The following KIAA0586 variants were observed in gnomAD, a reference collection of about 807,000 sequenced individuals.
KIAA0586 encodes the protein protein TALPID3.
KIAA0586 carries 144 observed loss-of-function variants against 169.8 expected under a neutral mutation model. That is an observed-to-expected ratio of 0.85 (90% CI 0.74 to 0.97). The LOEUF (loss-of-function observed/expected upper bound fraction) is 0.97. Among genes scored for constraint, KIAA0586 ranks in the 50% least tolerant of loss-of-function variants. KIAA0586 has a pLI of 0.00. For missense variants in KIAA0586, 1,854 were observed against 1,823.0 expected (o/e 1.02, Z -0.31); for synonymous variants, 625 against 612.4 (o/e 1.02, Z -0.30).
At chr14:58,556,555 C>T in the KIAA0586 span, among the ~76,000 whole-genome samples, 44 of 152,218 alleles carry the variant, frequency 2.9e-4, no homozygotes, top group African/African-American at 9.9e-4. Context: ...CCCTTGTGCC[C>T]CTTTCCTAGT....
At chr14:58,546,284 A>G (rs977680063) in intron 30 of KIAA0586, among the ~76,000 whole-genome samples, 2 of 152,156 alleles carry the variant, frequency 1.3e-5, no homozygotes, top group South Asian at 2.1e-4. Context: ...GTGATACAGT[A>G]TTTAAAATAG....
chr14:58,526,315 C>T (rs767459551), intron 29 of KIAA0586, among the ~76,000 whole-genome samples: 7 of 152,178 alleles, frequency 4.6e-5, no homozygotes, highest in Admixed American at 6.5e-5. Context: ...AGATCTATGA[C>T]TGGTATCTGG....
intron 29 of KIAA0586, among the ~76,000 whole-genome samples, chr14:58,517,611 C>A (rs938124507): frequency 3.3e-5 from 5 of 152,142 alleles, no homozygotes; most frequent in Non-Finnish European, 7.4e-5. Context: ...CTCAGCAGTC[C>A]ATTTCCTATG....
At chr14:58,429,463 C>A (rs773375586) in intron 2 of KIAA0586, 30 bp downstream of exon 2, 2 of 1,274,904 alleles carry the variant, frequency 1.6e-6, no homozygotes, top group Non-Finnish European at 2.3e-6. Flanking sequence ...ATTATGCTCA[C>A]GTTAAAATTT....
chr14:58,474,869 C>T, intron 19 of KIAA0586, 72 bp downstream of exon 19: 1 of 1,098,048 alleles, frequency 9.1e-7, no homozygotes, highest in Non-Finnish European at 1.3e-6. Flanking sequence ...TAAAATGTGG[C>T]TGAAAATATT....
Position 58,477,158 on chromosome 14 carries a change from G to T in KIAA0586, c.2861G>T (p.Gly954Val). The stretch of plus-strand genomic sequence containing the variant: ...GAAATAATGTCAAGAATTATCTCTG[G>T]GCTCTTTCCAGTCCAGCAACAGATT... Reference protein sequence around the residue: ...EQEIMSRIISGLFPVQQQIAP... With the variant: ...EQEIMSRIISVLFPVQQQIAP... Residue 954 changes from glycine (G) to valine (V), a missense_variant, in exon 20 of 31, where the codon GGG (glycine) becomes GTG (valine). Coordinates refer to ENST00000652326, the MANE Select transcript of KIAA0586 (RefSeq NM_001329943.3). 6.3e-7 allele frequency: 1 copy of T among 1,578,756 alleles called. No individual in the cohort carries two copies. The highest frequency in any genetic ancestry group is 1.8e-5 in the Admixed American group (1 of 55,478).
At chr14:58,554,218 T>A (rs2047232082), downstream of KIAA0586, among the ~76,000 whole-genome samples, 1 of 151,982 alleles carries the variant, frequency 6.6e-6, no homozygotes, top group African/African-American at 2.4e-5. Flanking sequence ...AAGTCATATG[T>A]CCAAGCCCAG....
At chr14:58,538,873 G>A (rs945878274) in intron 29 of KIAA0586, among the ~76,000 whole-genome samples, 4 of 151,890 alleles carry the variant, frequency 2.6e-5, no homozygotes, top group Non-Finnish European at 5.9e-5. Context: ...TCTGCCTCCT[G>A]GACTCAAGCC....
At chr14:58,480,265 G>A (rs2041939801) in intron 20 of KIAA0586, among the ~76,000 whole-genome samples, 1 of 150,770 alleles carries the variant, frequency 6.6e-6, no homozygotes, top group Non-Finnish European at 1.5e-5. Context: ...TCAAGCATAG[G>A]CACTATTGAC....
chr14:58,477,013 A>C, intron 19 of KIAA0586, 110 bp from the exon 20 acceptor site: 2 of 579,354 alleles, frequency 3.5e-6, no homozygotes, highest in South Asian at 4.8e-5. Flanking sequence ...TCACACCAAC[A>C]TGTTTGTGGC....
chr14:58,462,233 T>A (rs183771459), intron 14 of KIAA0586, among the ~76,000 whole-genome samples: 14 of 149,260 alleles, frequency 9.4e-5, no homozygotes, highest in Admixed American at 2.8e-4. Flanking sequence ...TTCTCTTATT[T>A]AGTGTAGTTT....
At chr14:58,505,939 G>A (rs181450223) in intron 27 of KIAA0586, among the ~76,000 whole-genome samples, 11 of 151,852 alleles carry the variant, frequency 7.2e-5, no homozygotes, top group East Asian at 1.9e-4. Flanking sequence ...TATACTTTCC[G>A]TGCTTTCATG....
In KIAA0586 at chr14:58,428,426, T is replaced by A; in HGVS notation, c.162T>A (p.Pro54=). 6.2e-7 allele frequency: 1 copy of A among 1,613,970 alleles called. No individual in the cohort carries two copies. The highest frequency in any genetic ancestry group is 8.5e-7 in the Non-Finnish European group (1 of 1,179,836). The change falls in exon 1 of 31, where the codon CCT becomes CCA. Residue 54 remains proline (P), a synonymous_variant. Coordinates refer to ENST00000652326, the MANE Select transcript of KIAA0586 (RefSeq NM_001329943.3). ...CATTGTCTGCAAATAAACGTCTTCC[T>A]GTTGGAACGGGGACTAGTTTGAATG... The part of the protein sequence containing the change: ...PPALSANKRL[P]VGTGTSLNGT...
At chr14:58,484,888 A>ATTTTTATATATATATTTATATATATATT (rs1201064638) in intron 21 of KIAA0586, among the ~76,000 whole-genome samples, 2 of 18,486 alleles carry the variant, frequency 1.1e-4, no homozygotes, top group Non-Finnish European at 1.8e-4. Flanking sequence ...TTATATATAT[A>ATTTTTATATATATATTTATATATATATT]TTTATATATA....
chr14:58,427,771 A>G lies in KIAA0586; in HGVS notation c.-494A>G. 6.6e-7 allele frequency: 1 copy of G among 1,526,484 alleles called. No homozygotes were observed. The highest frequency in any genetic ancestry group is 8.8e-7 in the Non-Finnish European group (1 of 1,142,666). 94.6% of individuals were successfully genotyped at this position (1,526,484 alleles called of 1,614,324 possible). A position where few individuals can be genotyped will look rare whatever the true frequency, so the allele number is the denominator to read the frequency against. On this transcript the variant is annotated 5_prime_UTR_variant, in exon 1 of 31. In the 5' UTR this introduces an upstream ATG that the reference lacks. Transcript: ENST00000652326. The stretch of plus-strand genomic sequence containing the variant: ...TGCGGGTCTCGGGCGTTCTGGAGAT[A>G]CGTAGGGGTGAATTTATGTTTCCGA...
rs541632685 is a variant in KIAA0586 at position 58,543,938 on chromosome 14, G to A, written c.4495+3802G>A. ...GTATAGGTAAACTCGGGCTGTGGAG[G>A]TTTGTCATACAGATTATTTCATCAC... On this transcript the variant is annotated intron_variant, in intron 30 of 30. Coordinates refer to ENST00000652326, the MANE Select transcript of KIAA0586 (RefSeq NM_001329943.3). 147 of 455,824 alleles carry A rather than the reference G, an allele frequency of 3.2e-4. 1 individual carries two copies. The highest frequency in any genetic ancestry group is 2.2e-3 in the South Asian group (145 of 64,520). The allele number at this position is 455,824 out of a possible 1,614,324, so 28.2% of individuals were successfully genotyped here.
chr14:58,536,052 A>C (rs1479485321), intron 29 of KIAA0586, among the ~76,000 whole-genome samples: 3 of 151,688 alleles, frequency 2.0e-5, no homozygotes, highest in Non-Finnish European at 4.4e-5. Flanking sequence ...GCCCAAAATA[A>C]TTTTTTTTTA....
chr14:58,484,172 A>G (rs1425257196), intron 21 of KIAA0586, among the ~76,000 whole-genome samples: 1 of 152,152 alleles, frequency 6.6e-6, no homozygotes, highest in Non-Finnish European at 1.5e-5. Flanking sequence ...TTTTATGTCT[A>G]TAATAAAGAT....
chr14:58,507,173 A>G (rs928731837), intron 27 of KIAA0586, among the ~76,000 whole-genome samples: 6 of 145,188 alleles, frequency 4.1e-5, no homozygotes, highest in African/African-American at 1.3e-4. Context: ...GTGTATATAT[A>G]TATATGTGTA....
Sources: gnomAD v4.1 joint callset for allele counts (sites outside exome capture counted in the v4.1 genomes callset) on GRCh38, gnomAD v4.1.1 for gene constraint, MANE v1.5 for transcripts, NCBI Gene and HGNC (gene_info 2026-07-23, HGNC 2026-07-21) for gene names.